Variants in FAM186A observed in about 807,000 individuals in gnomAD.
FAM186A encodes the protein family with sequence similarity 186 member A.
In FAM186A, 163 loss-of-function variants were observed where a neutral mutation model predicts 216.8. That is an observed-to-expected ratio of 0.75 (90% confidence interval 0.66 to 0.86). The LOEUF (loss-of-function observed/expected upper bound fraction) is 0.86. FAM186A is among the 40% of genes least tolerant of loss of function. The pLI, the probability that FAM186A is intolerant of heterozygous loss-of-function variation, is 0.00. For missense variants in FAM186A, 2,184 were observed against 2,746.2 expected (o/e 0.80, Z 4.58); for synonymous variants, 805 against 1,025.3 (o/e 0.79, Z 4.10).
In FAM186A at chr12:50,372,980, G is replaced by GAGGAAGGA. The variant is rs71441363; in HGVS notation, c.193-9624_193-9617dup. Among the ~76,000 whole-genome samples the GAGGAAGGA allele has an allele frequency of 8.1e-3, 689 of 84,804 alleles. 64 individuals carry two copies. The highest frequency in any genetic ancestry group is 0.016 in the Middle Eastern group (3 of 190). The allele number at this position is 84,804 out of a possible 152,430, so 55.6% of individuals were successfully genotyped here. On this transcript the variant is annotated intron_variant, in intron 1 of 7. Coordinates refer to ENST00000327337, the MANE Select transcript of FAM186A (RefSeq NM_001145475.3). ...GGAGGGAGGGAGGGAGGGACGGAGG[G>GAGGAAGGA]AGGAAGGAAGGAAGGAATGAAAGAA...
chr12:50,376,535 A>G (rs1943199946), intron 1 of FAM186A, among the ~76,000 whole-genome samples: 1 of 152,098 alleles, frequency 6.6e-6, no homozygotes, highest in African/African-American at 2.4e-5. Flanking sequence ...GGTAGTCCCT[A>G]GGAGTCTCTG....
Position 50,333,950 on chromosome 12 carries a change from C to G in FAM186A, c.6657G>C (p.Arg2219=). 6.4e-7 allele frequency: 1 copy of G among 1,551,410 alleles called. No individual in the cohort carries two copies. Among genetic ancestry groups the G allele is most frequent in the Non-Finnish European group, 8.7e-7 (1 of 1,146,948 alleles). ...TEKQKSLGQK[R]NQCLKKMIHV... is the part of the protein sequence containing the mutation. ...GTATCATTTTCTTCAGGCACTGATT[C>G]CGTTTCTGCCCTAGAGACTTCTGCT... The change falls in exon 5 of 8, where the codon CGG becomes CGC. Residue 2219 remains arginine (R), a synonymous_variant. Coordinates refer to ENST00000327337, the MANE Select transcript of FAM186A (RefSeq NM_001145475.3).
At position 50,367,709 on chromosome 12, in the gene FAM186A, AC is replaced by A. The variant is rs1411023353; in HGVS notation, c.193-4346del. Among the ~76,000 whole-genome samples, 1,338 of 150,946 alleles carry A rather than the reference AC, an allele frequency of 8.9e-3. 22 individuals are homozygous for A. The highest frequency in any genetic ancestry group is 0.031 in the African/African-American group (1,266 of 40,692). On this transcript the variant is annotated intron_variant, in intron 1 of 7. Coordinates refer to ENST00000327337, the MANE Select transcript of FAM186A (RefSeq NM_001145475.3). Reference sequence around the variant, plus strand: ...TGCGTGCACACACACACACACACACACACAAACACACTATTAGAACAATAAA... The same window carrying A: ...TGCGTGCACACACACACACACACACAACAAACACACTATTAGAACAATAAA...
chr12:50,375,034 C>T (rs1235289628), intron 1 of FAM186A, among the ~76,000 whole-genome samples: 2 of 151,850 alleles, frequency 1.3e-5, no homozygotes, highest in African/African-American at 4.8e-5. Context: ...AAAAATTAGC[C>T]GGGCGTGGTG....
intron 1 of FAM186A, among the ~76,000 whole-genome samples, chr12:50,390,852 G>A (rs1338420460): frequency 6.6e-6 from 1 of 152,026 alleles, no homozygotes; most frequent in African/African-American, 2.4e-5. Context: ...ACCACCCCTG[G>A]CTAATTGTTG....
At chr12:50,328,641 G>A (rs1942627666) in intron 7 of FAM186A, among the ~76,000 whole-genome samples, 1 of 151,988 alleles carries the variant, frequency 6.6e-6, no homozygotes, top group Admixed American at 6.6e-5. Context: ...CTGAGTAGCT[G>A]GGACTACAGG....
At position 50,351,694 on chromosome 12, in the gene FAM186A, C is replaced by G; in HGVS notation, c.5138G>C (p.Arg1713Thr). 6.4e-7 allele frequency: 1 copy of G among 1,551,536 alleles called. No homozygotes were observed. Among genetic ancestry groups the G allele is most frequent in the Non-Finnish European group, 8.7e-7 (1 of 1,146,918 alleles). Residue 1713 changes from arginine (R) to threonine (T), a missense_variant, in exon 4 of 8, where the codon AGA (arginine) becomes ACA (threonine). Coordinates refer to ENST00000327337, the MANE Select transcript of FAM186A (RefSeq NM_001145475.3). ...LTLKQVQWSHRPFQKSKASLP... is the reference protein window; with the variant it reads ...LTLKQVQWSHTPFQKSKASLP... ...AGAAGCCTTCGATTTCTGAAATGGTCTATGGGACCACTGGACTTGCTTAAG... is the reference window on the plus strand; with the variant it reads ...AGAAGCCTTCGATTTCTGAAATGGTGTATGGGACCACTGGACTTGCTTAAG...
intron 4 of FAM186A, among the ~76,000 whole-genome samples, chr12:50,347,670 C>T (rs1942833082): frequency 1.7e-5 from 2 of 115,086 alleles, no homozygotes; most frequent in African/African-American, 6.1e-5. Flanking sequence ...AAGAGGGAGA[C>T]TCCATCTCAA....
At chr12:50,375,786 G>C (rs1446164332) in intron 1 of FAM186A, among the ~76,000 whole-genome samples, 1 of 151,942 alleles carries the variant, frequency 6.6e-6, no homozygotes, top group East Asian at 1.9e-4. Flanking sequence ...GGATCCTATG[G>C]GTGTCACTTT....
intron 4 of FAM186A, among the ~76,000 whole-genome samples, chr12:50,337,861 A>C (rs1392910946): frequency 6.6e-6 from 1 of 152,062 alleles, no homozygotes; most frequent in Admixed American, 6.6e-5. Flanking sequence ...GCGCCACTGC[A>C]TTCCAGCCTG....
intron 1 of FAM186A, among the ~76,000 whole-genome samples, chr12:50,370,760 G>A (rs1279246769): frequency 6.6e-6 from 1 of 152,060 alleles, no homozygotes; most frequent in Non-Finnish European, 1.5e-5. Context: ...AGTGCCCATT[G>A]ACAGATAAAT....
Position 50,363,162 on chromosome 12 carries a change from G to T in FAM186A, c.395C>A (p.Ala132Asp). 6.5e-7 allele frequency: 1 copy of T among 1,549,686 alleles called. No homozygotes were observed. The highest frequency in any genetic ancestry group is 8.7e-7 in the Non-Finnish European group (1 of 1,146,230). The change falls in exon 2 of 8, where the codon GCC becomes GAC. Residue 132 changes from alanine to aspartate, a missense_variant. Around this residue, in one of 7 missense-constraint regions of FAM186A, gnomAD observed 1,132 missense variants for 1,263.4 expected, o/e 0.90. Coordinates refer to ENST00000327337, the MANE Select transcript of FAM186A (RefSeq NM_001145475.3). ...AAACTTACTCCATTCTTCCAACCAG[G>T]CCAGAATGTTGGCAAGAGTCTTTTC... is the stretch of plus-strand genomic sequence containing the variant. The part of the protein sequence containing the change: ...IREKTLANIL[A>D]WLEEWNDVLS...
Position 50,396,371 on chromosome 12 carries a change from G to C in FAM186A, c.114C>G (p.Leu38=). 6.4e-7 allele frequency: 1 copy of C among 1,551,504 alleles called. No individual in the cohort carries two copies. The highest frequency in any genetic ancestry group is 2.4e-5 in the East Asian group (1 of 40,926). The change falls in exon 1 of 8, where the codon CTC becomes CTG. Residue 38 remains leucine (L), a synonymous_variant. Transcript: ENST00000327337. The part of the protein sequence containing the change: ...EPQNILSPLM[L]PNLEIPFSVK... Reference sequence around the variant, plus strand: ...CTGAGAATGGGATCTCAAGGTTAGGGAGCATCAAAGGACTAAGGATATTTT... The same window carrying C: ...CTGAGAATGGGATCTCAAGGTTAGGCAGCATCAAAGGACTAAGGATATTTT...
At chr12:50,388,842 C>A (rs567033730) in intron 1 of FAM186A, among the ~76,000 whole-genome samples, 27 of 151,998 alleles carry the variant, frequency 1.8e-4, no homozygotes, top group African/African-American at 6.0e-4. Flanking sequence ...CACTTGAGAT[C>A]AGGAGTTTGA....
At chr12:50,384,366 A>T (rs1383043275) in intron 1 of FAM186A, among the ~76,000 whole-genome samples, 1 of 152,108 alleles carries the variant, frequency 6.6e-6, no homozygotes, top group Non-Finnish European at 1.5e-5. Flanking sequence ...CCAAGGTTTC[A>T]TTGAGCTATT....
rs1449298187 is a variant in FAM186A at position 50,353,688 on chromosome 12, G to A, written c.3144C>T (p.Ile1048=). 3.3e-6 allele frequency: 5 copies of A among 1,537,678 alleles called. No homozygotes were observed. The highest frequency in any genetic ancestry group is 1.2e-5 in the South Asian group (1 of 81,358). Reference sequence around the variant, plus strand: ...AGTATTGTAGGGAGGGGGGAGGTGTGATTGATATGGGCTCCTTTTCATCAG... The same window carrying A: ...AGTATTGTAGGGAGGGGGGAGGTGTAATTGATATGGGCTCCTTTTCATCAG... The part of the protein sequence containing the change: ...NLPDEKEPIS[I]TPPPSLQYSL... The change falls in exon 4 of 8, where the codon ATC becomes ATT. Residue 1048 remains isoleucine (I), a synonymous_variant. Coordinates refer to ENST00000327337, the MANE Select transcript of FAM186A (RefSeq NM_001145475.3).
At chr12:50,360,678 GAA>G (rs61529910) in intron 3 of FAM186A, 76 bp downstream of exon 3, 68 of 1,084,450 alleles carry the variant, frequency 6.3e-5, no homozygotes, top group Middle Eastern at 3.2e-4. Flanking sequence ...GAGCGAGACT[GAA>G]AAAAAAAAAA....
chr12:50,371,566 T>A lies in FAM186A; in HGVS notation c.193-8202A>T, dbSNP rs536922466. Among the ~76,000 whole-genome samples, 3 of 152,298 alleles carry A rather than the reference T, an allele frequency of 2.0e-5. No individual in the cohort carries two copies. In the South Asian group the frequency reaches 6.2e-4, roughly 32 times the overall value. On this transcript the variant is annotated intron_variant, in intron 1 of 7. Coordinates refer to ENST00000327337, the MANE Select transcript of FAM186A (RefSeq NM_001145475.3). ...CATAAAAAGACAAATACTTTATGAT[T>A]CCACTTAAATGAGGTATCTAGAATA...
chr12:50,355,112 AT>A lies in FAM186A; in HGVS notation c.1719del (p.Leu574TrpfsTer12). The A allele has an allele frequency of 1.3e-6, 2 of 1,551,610 alleles. No homozygotes were observed. Among genetic ancestry groups the A allele is most frequent in the South Asian group, 1.2e-5 (1 of 84,052 alleles). On this transcript the variant is annotated frameshift_variant, in exon 4 of 8. Transcript: ENST00000327337. LOFTEE classifies it high-confidence loss of function. ...ATTTCACCTTTGCCCTCTTTGTCCAATGACTCAGTGGTGGGTTCCACTTTAA... is the reference window on the plus strand; with the variant it reads ...ATTTCACCTTTGCCCTCTTTGTCCAAGACTCAGTGGTGGGTTCCACTTTAA... ...AEIKVEPTTE[S>X]LDKEGKGEIR...
Sources: gnomAD v4.1 joint callset for allele counts (sites outside exome capture counted in the v4.1 genomes callset) on GRCh38, gnomAD v4.1.1 for gene constraint, gnomAD v4.1.1 regional missense constraint, MANE v1.5 for transcripts, NCBI Gene and HGNC (gene_info 2026-07-23, HGNC 2026-07-21) for gene names.